Variants in UBA2 observed in about 807,000 individuals in gnomAD.
UBA2 encodes the protein SUMO-activating enzyme subunit 2.
In UBA2, 11 loss-of-function variants were observed where a neutral mutation model predicts 77.2. That is an observed-to-expected ratio of 0.14 (90% CI 0.09 to 0.24). The LOEUF is 0.24. UBA2 is among the 10% of genes least tolerant of loss of function. The pLI, the probability that UBA2 is intolerant of heterozygous loss-of-function variation, is 1.00. For synonymous variants in UBA2, 278 were observed against 276.7 expected (o/e 1.00, Z -0.05); for missense variants, 487 against 781.7 (o/e 0.62, Z 4.50).
Position 34,458,757 on chromosome 19 carries a change from T to C in UBA2, c.1246-12T>C. On this transcript the variant is annotated splice_polypyrimidine_tract_variant and intron_variant, in intron 12 of 16. Coordinates refer to ENST00000246548, the MANE Select transcript of UBA2 (RefSeq NM_005499.3). ...ACGTTTCCGATTTCTGCCTGTTATT[T>C]CTCCTCCAAAGATTTTTTTGAATAA... The C allele has an allele frequency of 6.2e-7, 1 of 1,605,580 alleles. No individual in the cohort carries two copies. The highest frequency in any genetic ancestry group is 8.5e-7 in the Non-Finnish European group (1 of 1,176,578).
At chr19:34,444,457 C>T (rs1395486268) in intron 7 of UBA2, among the ~76,000 whole-genome samples, 1 of 152,170 alleles carries the variant, frequency 6.6e-6, no homozygotes, top group Non-Finnish European at 1.5e-5. Context: ...CGAGTTGTTC[C>T]TAGATCTCAT....
intron 1 of UBA2, among the ~76,000 whole-genome samples, chr19:34,429,692 G>T (rs1047653632): frequency 6.6e-6 from 1 of 151,682 alleles, no homozygotes; most frequent in Non-Finnish European, 1.5e-5. Context: ...GAAAATTAGC[G>T]GGGCGTGGTG....
chr19:34,464,656 C>T (rs1242264803), intron 15 of UBA2, among the ~76,000 whole-genome samples: 1 of 151,772 alleles, frequency 6.6e-6, no homozygotes, highest in Non-Finnish European at 1.5e-5. Flanking sequence ...ACCTAGAGTC[C>T]AGGTGTTTGA....
rs778346245 is a variant in UBA2, at chr19:34,469,264, T to C, written c.*43T>C. 7 of 1,488,362 alleles carry C rather than the reference T, an allele frequency of 4.7e-6. No individual in the cohort carries two copies. The highest frequency in any genetic ancestry group is 2.4e-5 in the East Asian group (1 of 41,832). The allele number at this position is 1,488,362 out of a possible 1,614,324, so 92.2% of individuals were successfully genotyped here. ...CAGAACCCTCTTACTATTTAGTTTA[T>C]CTGGGCAGAACCAGATTGTTATGTC... On this transcript the variant is annotated 3_prime_UTR_variant, in exon 17 of 17. Coordinates refer to ENST00000246548, the MANE Select transcript of UBA2 (RefSeq NM_005499.3).
intron 10 of UBA2, among the ~76,000 whole-genome samples, chr19:34,453,001 A>G (rs1024845896): frequency 6.6e-6 from 1 of 152,216 alleles, no homozygotes; most frequent in African/African-American, 2.4e-5. Context: ...TGATTAGTGC[A>G]CAGAGGCTAA....
intron 6 of UBA2, among the ~76,000 whole-genome samples, chr19:34,440,905 AAC>A (rs1348183927): frequency 2.0e-5 from 3 of 149,030 alleles, no homozygotes; most frequent in Non-Finnish European, 4.5e-5. Context: ...CAGCCTGGGC[AAC>A]AGAGCAAGAC....
intron 8 of UBA2, among the ~76,000 whole-genome samples, chr19:34,446,590 A>G (rs1272924814): frequency 1.3e-5 from 2 of 148,506 alleles, no homozygotes; most frequent in Non-Finnish European, 1.5e-5. Context: ...CAGATGTCAC[A>G]TGTTGACTTT....
At chr19:34,435,947 C>G (rs1318032995) in intron 5 of UBA2, among the ~76,000 whole-genome samples, 1 of 151,874 alleles carries the variant, frequency 6.6e-6, no homozygotes, top group Admixed American at 6.6e-5. Flanking sequence ...ATGGTGAAAC[C>G]CTGTCTCTAC....
chr19:34,463,574 GGATT>G (rs35095058), intron 14 of UBA2, among the ~76,000 whole-genome samples: 123,083 of 151,144 alleles, frequency 0.81, 51,694 homozygotes, highest in Non-Finnish European at 0.92. Context: ...CCAGATTTTG[GGATT>G]GATTGATTGA....
intron 1 of UBA2, 73 bp downstream of exon 1, chr19:34,428,643 C>T (rs1599881576): frequency 8.3e-7 from 1 of 1,202,270 alleles, no homozygotes. Flanking sequence ...TCCGGGGCTC[C>T]AGGGGCTCTG....
At chr19:34,429,311 T>C (rs936736572) in intron 1 of UBA2, 1 of 935,370 alleles carries the variant, frequency 1.1e-6, no homozygotes, top group Admixed American at 6.2e-5. Context: ...TGAATCGTTA[T>C]TTCTACTAAT....
chr19:34,428,714 G>A, intron 1 of UBA2, 144 bp downstream of exon 1: 1 of 1,173,596 alleles, frequency 8.5e-7, no homozygotes, highest in Non-Finnish European at 1.1e-6. Context: ...GAGAGGCTCG[G>A]GTTGTGCCCC....
chr19:34,454,169 T>G (rs897135605), intron 10 of UBA2, 91 bp from the exon 11 acceptor site: 2 of 1,162,322 alleles, frequency 1.7e-6, no homozygotes, highest in African/African-American at 3.1e-5. Flanking sequence ...GTCTATAGTA[T>G]TATAAACACG....
intron 1 of UBA2, chr19:34,429,209 C>A (rs1483461387): frequency 4.1e-6 from 4 of 985,268 alleles, no homozygotes; most frequent in Non-Finnish European, 4.8e-6. Context: ...ACTGTCATTG[C>A]TCTCACAGTA....
intron 1 of UBA2, 43 bp from the exon 2 acceptor site, chr19:34,430,533 T>C (rs1252678059): frequency 8.2e-6 from 12 of 1,461,838 alleles, no homozygotes. Flanking sequence ...AGCTCAAACA[T>C]ACGTAAACGT....
At chr19:34,453,562 C>T (rs1052498893) in intron 10 of UBA2, among the ~76,000 whole-genome samples, 2 of 146,196 alleles carry the variant, frequency 1.4e-5, no homozygotes, top group Non-Finnish European at 3.0e-5. Flanking sequence ...CTCACTCTGT[C>T]ACCAAGGCTG....
rs1230097005 is a variant in UBA2, at chr19:34,439,848, G to A, written c.581+1082G>A. On this transcript the variant is annotated intron_variant, in intron 6 of 16. Transcript: ENST00000246548. ...GAAGAAAGAAAGAAAAAAAGAATGA[G>A]AAGGAAGGATATTAATTGAAGTAAG... Among the ~76,000 whole-genome samples, 3 of 151,858 alleles carry A rather than the reference G, an allele frequency of 2.0e-5. No homozygotes were observed. The East Asian group carries it at 5.8e-4, about 29-fold the overall frequency.
chr19:34,428,498 G>A lies in UBA2; in HGVS notation c.66G>A (p.Val22=), dbSNP rs1376672734. Residue 22 remains valine, a synonymous_variant, in exon 1 of 17, where the codon GTG becomes GTA. Coordinates refer to ENST00000246548, the MANE Select transcript of UBA2 (RefSeq NM_005499.3). The part of the protein sequence containing the change: ...AEAVAGGRVL[V]VGAGGIGCEL... ...CGGTGGCCGGGGGCCGGGTGCTGGT[G>A]GTGGGGGCGGGCGGCATCGGCTGCG... is the stretch of plus-strand genomic sequence containing the variant. The A allele has an allele frequency of 1.5e-6, 2 of 1,300,864 alleles. No individual in the cohort carries two copies. Among genetic ancestry groups the A allele is most frequent in the African/African-American group, 3.0e-5 (2 of 66,286 alleles). 80.6% of individuals were successfully genotyped at this position (1,300,864 alleles called of 1,614,324 possible).
In UBA2 at chr19:34,454,318, T is replaced by A. The variant is rs2075534841; in HGVS notation, c.1097T>A (p.Phe366Tyr). The A allele has an allele frequency of 6.2e-7, 1 of 1,613,290 alleles. No homozygotes were observed. The highest frequency in any genetic ancestry group is 8.5e-7 in the Non-Finnish European group (1 of 1,179,862). Residue 366 changes from phenylalanine to tyrosine, a missense_variant, in exon 11 of 17, where the codon TTC becomes TAC. Physicochemically the swap from Phe to Tyr is conservative, Grantham distance 22. Coordinates refer to ENST00000246548, the MANE Select transcript of UBA2 (RefSeq NM_005499.3). Reference protein sequence around the residue: ...TSAANLRMHIFSMNMKSRFDI... With the variant: ...TSAANLRMHIYSMNMKSRFDI... ...GCTGCAAACCTCAGGATGCATATTT[T>A]CAGTATGAATATGAAGAGTAGATTT...
Sources: gnomAD v4.1 joint callset for allele counts (sites outside exome capture counted in the v4.1 genomes callset) on GRCh38, gnomAD v4.1.1 for gene constraint, MANE v1.5 for transcripts, NCBI Gene and HGNC (gene_info 2026-07-23, HGNC 2026-07-21) for gene names.